The following TMPRSS4 variants were observed in gnomAD, a reference collection of about 807,000 sequenced individuals.
The protein encoded by TMPRSS4 is transmembrane serine protease 4.
In TMPRSS4, 45 loss-of-function variants were observed where a neutral mutation model predicts 56.4. That is an observed-to-expected ratio of 0.80 (90% CI 0.63 to 1.02). TMPRSS4 has a LOEUF of 1.02. TMPRSS4 is among the 50% of genes least tolerant of loss of function. The probability of loss-of-function intolerance (pLI) is 0.00; values close to 1 mark genes in which losing one functional copy is unlikely to be tolerated. For synonymous variants in TMPRSS4, 205 were observed against 211.0 expected (o/e 0.97, Z 0.25); for missense variants, 546 against 556.7 (o/e 0.98, Z 0.19).
chr11:118,124,845 G>A (rs374009115), downstream of TMPRSS4, among the ~76,000 whole-genome samples: 112 of 152,266 alleles, frequency 7.4e-4, no homozygotes, highest in African/African-American at 2.5e-3. Flanking sequence ...CAAAAGTAAC[G>A]TGAGCACCAG....
chr11:118,107,971 G>A, intron 6 of TMPRSS4, 96 bp downstream of exon 6: 1 of 951,624 alleles, frequency 1.1e-6, no homozygotes. Context: ...AAGCAGCCAG[G>A]GGAATGTAAG....
intron 2 of TMPRSS4, chr11:118,095,517 T>G (rs1419020663): frequency 2.0e-5 from 3 of 152,430 alleles, no homozygotes; most frequent in Non-Finnish European, 4.4e-5. Flanking sequence ...ACAAATGAAG[T>G]AATCTTTAGC....
intron 1 of TMPRSS4, among the ~76,000 whole-genome samples, chr11:118,093,128 G>A (rs771332175): frequency 3.9e-5 from 6 of 152,306 alleles, no homozygotes; most frequent in Admixed American, 2.6e-4. Flanking sequence ...CAAGGGCAAG[G>A]CCAGGCATGT....
chr11:118,107,641 A>G (rs1211300679), intron 5 of TMPRSS4, 133 bp from the exon 6 acceptor site: 4 of 682,146 alleles, frequency 5.9e-6, no homozygotes, highest in Non-Finnish European at 1.0e-5. Context: ...GACTAAGACC[A>G]TCTCCACTCC....
At chr11:118,091,637 G>T (rs1026868536) in intron 1 of TMPRSS4, among the ~76,000 whole-genome samples, 11 of 152,182 alleles carry the variant, frequency 7.2e-5, no homozygotes, top group South Asian at 2.1e-4. Context: ...AATCCTCCTG[G>T]AGTAGTGCCT....
At chr11:118,083,334 C>T (rs893561350) in intron 1 of TMPRSS4, among the ~76,000 whole-genome samples, 4 of 152,210 alleles carry the variant, frequency 2.6e-5, no homozygotes, top group Admixed American at 6.5e-5. Flanking sequence ...CTCTGAACTG[C>T]GTGTTCCACC....
rs200342023 is a variant in TMPRSS4 at position 118,104,797 on chromosome 11, C to A, written c.417C>A (p.Ala139=). 44 of 1,611,230 alleles carry A rather than the reference C, an allele frequency of 2.7e-5. No individual in the cohort carries two copies. The Middle Eastern group carries it at 1.2e-3, about 42-fold the overall frequency. The part of the protein sequence containing the change: ...DNFTEALAET[A]CRQMGYSSKP... The stretch of plus-strand genomic sequence containing the variant: ...TCACAGAAGCTCTCGCTGAGACAGC[C>A]TGTAGGCAGATGGGCTACAGCAGGT... The change falls in exon 5 of 13, where the codon GCC becomes GCA. Residue 139 remains alanine, a synonymous_variant. Coordinates refer to ENST00000437212, the MANE Select transcript of TMPRSS4 (RefSeq NM_019894.4).
intron 5 of TMPRSS4, chr11:118,106,182 G>T (rs1384947312): frequency 6.6e-6 from 1 of 152,106 alleles, no homozygotes; most frequent in Non-Finnish European, 1.5e-5. Context: ...ATGAAACCTG[G>T]GTGTCTCCAG....
intron 5 of TMPRSS4, among the ~76,000 whole-genome samples, chr11:118,105,368 C>A (rs1043468639): frequency 6.6e-6 from 1 of 151,958 alleles, no homozygotes; most frequent in Non-Finnish European, 1.5e-5. Flanking sequence ...AATTTGCATT[C>A]TATATATTTA....
chr11:118,118,843 G>A lies in TMPRSS4; in HGVS notation c.*930G>A. 5 of 985,416 alleles carry A rather than the reference G, an allele frequency of 5.1e-6. No homozygotes were observed. Among genetic ancestry groups the A allele is most frequent in the Non-Finnish European group, 6.0e-6 (5 of 829,950 alleles). 61.0% of individuals were successfully genotyped at this position (985,416 alleles called of 1,614,324 possible). ...TCCTGTGTCCTAACTTTTTCCGCCT[G>A]GAGAGCCCTCAGTGTGGCTTCTTAC... On this transcript the variant is annotated 3_prime_UTR_variant, in exon 13 of 13. Transcript: ENST00000437212.
intron 1 of TMPRSS4, among the ~76,000 whole-genome samples, chr11:118,094,494 C>A (rs1362750595): frequency 6.6e-6 from 1 of 152,052 alleles, no homozygotes; most frequent in Non-Finnish European, 1.5e-5. Context: ...TAAACATAGA[C>A]AAATTATTGA....
chr11:118,099,206 C>G, intron 3 of TMPRSS4, 108 bp downstream of exon 3: 1 of 851,102 alleles, frequency 1.2e-6, no homozygotes, highest in South Asian at 1.7e-5. Flanking sequence ...CCCCTGCCCT[C>G]ACCCCCTCAG....
At chr11:118,122,704 T>C (rs1440904528), downstream of TMPRSS4, among the ~76,000 whole-genome samples, 3 of 152,148 alleles carry the variant, frequency 2.0e-5, no homozygotes, top group East Asian at 5.8e-4. Flanking sequence ...TATAGATGAA[T>C]GACAGGAAGC....
At chr11:118,092,472 G>A (rs889642149) in intron 1 of TMPRSS4, among the ~76,000 whole-genome samples, 4 of 152,252 alleles carry the variant, frequency 2.6e-5, no homozygotes, top group African/African-American at 7.2e-5. Flanking sequence ...GGCGGGGGCC[G>A]CCAGATCAGA....
chr11:118,088,958 C>T (rs1272725297), intron 1 of TMPRSS4, among the ~76,000 whole-genome samples: 1 of 152,150 alleles, frequency 6.6e-6, no homozygotes, highest in Non-Finnish European at 1.5e-5. Context: ...GGGGACCCAC[C>T]ATGGTGATGG....
At chr11:118,123,241 C>G (rs1325784832), downstream of TMPRSS4, among the ~76,000 whole-genome samples, 1 of 152,076 alleles carries the variant, frequency 6.6e-6, no homozygotes, top group Non-Finnish European at 1.5e-5. Flanking sequence ...CATCACCTTA[C>G]CCACTAACAG....
rs1274507964 is a variant in TMPRSS4 at position 118,113,275 on chromosome 11, T to C, written c.750T>C (p.His250=). 2 of 1,613,930 alleles carry C rather than the reference T, an allele frequency of 1.2e-6. No individual in the cohort carries two copies. Among genetic ancestry groups the C allele is most frequent in the East Asian group, 2.2e-5 (1 of 44,842 alleles). ...CAGCTGTCTCTACCCCCAGGAAACATACCGATGTGTTCAACTGGAAGGTGC... is the reference window on the plus strand; with the variant it reads ...CAGCTGTCTCTACCCCCAGGAAACACACCGATGTGTTCAACTGGAAGGTGC... The part of the protein sequence containing the change: ...VLTAAHCFRK[H]TDVFNWKVRA... Residue 250 remains histidine, a synonymous_variant, in exon 9 of 13, where the codon CAT becomes CAC. Coordinates refer to ENST00000437212, the MANE Select transcript of TMPRSS4 (RefSeq NM_019894.4).
chr11:118,093,835 C>T lies in TMPRSS4; in HGVS notation c.4-981C>T, dbSNP rs1007695430. Reference sequence around the variant, plus strand: ...AACTAACTGCCCCCCCCAATGGTAACCACTATTCTGACTTCTATCACTATA... The same window carrying T: ...AACTAACTGCCCCCCCCAATGGTAATCACTATTCTGACTTCTATCACTATA... On this transcript the variant is annotated intron_variant, in intron 1 of 12. Transcript: ENST00000437212. Among the ~76,000 whole-genome samples the T allele has an allele frequency of 1.1e-4, 16 of 145,948 alleles. No individual in the cohort carries two copies. The South Asian group carries it at 3.7e-3, about 34-fold the overall frequency.
intron 3 of TMPRSS4, among the ~76,000 whole-genome samples, chr11:118,100,676 A>G (rs1946687520): frequency 6.6e-6 from 1 of 152,226 alleles, no homozygotes; most frequent in African/African-American, 2.4e-5. Context: ...CAGTGACATC[A>G]GCAGACTTGC....
Sources: allele counts gnomAD v4.1 joint callset (sites outside exome capture counted in the v4.1 genomes callset), GRCh38; gene constraint gnomAD v4.1.1; transcripts MANE v1.5; gene names NCBI Gene and HGNC (gene_info 2026-07-23, HGNC 2026-07-21).